The following LHFPL6 variants were observed in gnomAD, a reference collection of about 807,000 sequenced individuals.
LHFPL6 encodes the protein LHFPL tetraspan subfamily member 6.
LHFPL6 carries 9 observed loss-of-function variants against 20.6 expected under a neutral mutation model. That is an observed-to-expected ratio of 0.44 (90% CI 0.26 to 0.76). The LOEUF (loss-of-function observed/expected upper bound fraction) is 0.76, where lower values mean the gene tolerates loss of function less well. LHFPL6 is among the 30% of genes least tolerant of loss of function. The probability of loss-of-function intolerance (pLI) is 0.20; values close to 1 mark genes in which losing one functional copy is unlikely to be tolerated. For synonymous variants in LHFPL6, 105 were observed against 98.7 expected (o/e 1.06, Z -0.38); for missense variants, 218 against 253.5 (o/e 0.86, Z 0.95).
chr13:39,600,125 T>C (rs563620219), intron 2 of LHFPL6, among the ~76,000 whole-genome samples: 3 of 152,292 alleles, frequency 2.0e-5, no homozygotes, highest in Admixed American at 6.5e-5. Context: ...CAAGTAAAAA[T>C]CAAACCTTTT....
At chr13:39,560,678 C>T (rs1430763932) in intron 2 of LHFPL6, among the ~76,000 whole-genome samples, 5 of 151,996 alleles carry the variant, frequency 3.3e-5, no homozygotes, top group Non-Finnish European at 7.4e-5. Context: ...CCACGCCCGG[C>T]TAATTTCTTT....
rs190329596 is a variant in LHFPL6 at position 39,523,165 on chromosome 13, C to T, written c.385+77667G>A. On this transcript the variant is annotated intron_variant, in intron 2 of 3. Coordinates refer to ENST00000379589, the MANE Select transcript of LHFPL6 (RefSeq NM_005780.3). ...TTTACGACTGATACATGTAATGTGC[C>T]GGTTTATGCAGAAAGCATGTGGTCT... is the stretch of plus-strand genomic sequence containing the variant. Among the ~76,000 whole-genome samples, 6 of 152,206 alleles carry T rather than the reference C, an allele frequency of 3.9e-5. No individual in the cohort carries two copies. In the East Asian group the frequency reaches 7.7e-4, roughly 20 times the overall value.
intron 2 of LHFPL6, among the ~76,000 whole-genome samples, chr13:39,547,923 AG>A (rs1871029848): frequency 6.6e-6 from 1 of 152,110 alleles, no homozygotes; most frequent in Non-Finnish European, 1.5e-5. Context: ...GTTATACCTT[AG>A]ATGCAAACTT....
Position 39,600,860 on chromosome 13 carries a change from T to A in LHFPL6, c.357A>T (p.Arg119Ser). 1.3e-6 allele frequency: 2 copies of A among 1,495,892 alleles called. No homozygotes were observed. The highest frequency in any genetic ancestry group is 2.2e-5 in the Admixed American group (1 of 45,230). The allele number at this position is 1,495,892 out of a possible 1,614,324, so 92.7% of individuals were successfully genotyped here. A position where few individuals can be genotyped will look rare whatever the true frequency, so the allele number is the denominator to read the frequency against. Residue 119 changes from arginine (R) to serine (S), a missense_variant, in exon 2 of 4, where the codon AGA becomes AGT. Transcript: ENST00000379589. ...VSDLISRTVGRVAGGIQFLGG... is the reference protein window; with the variant it reads ...VSDLISRTVGSVAGGIQFLGG... ...CAAGAAACTGAATTCCTCCAGCCAC[T>A]CTTCCCACTGTCCTGGAGATGAGGT... is the stretch of plus-strand genomic sequence containing the variant.
intron 2 of LHFPL6, among the ~76,000 whole-genome samples, chr13:39,484,628 C>T (rs1382810404): frequency 6.6e-6 from 1 of 152,118 alleles, no homozygotes; most frequent in Non-Finnish European, 1.5e-5. Context: ...AATGAGAAAT[C>T]CCTCAGGAAG....
chr13:39,572,578 C>T (rs555377893), intron 2 of LHFPL6, among the ~76,000 whole-genome samples: 2 of 152,184 alleles, frequency 1.3e-5, no homozygotes, highest in Non-Finnish European at 2.9e-5. Flanking sequence ...ACACCACAGT[C>T]CAATTTTCTA....
chr13:39,522,387 C>A (rs1174844514), intron 2 of LHFPL6, among the ~76,000 whole-genome samples: 5 of 152,174 alleles, frequency 3.3e-5, no homozygotes, highest in African/African-American at 9.7e-5. Flanking sequence ...TGCTCCTAAC[C>A]AGTACACTGT....
At chr13:39,344,590 G>A (rs1295424638) in intron 3 of LHFPL6, among the ~76,000 whole-genome samples, 1 of 151,858 alleles carries the variant, frequency 6.6e-6, no homozygotes, top group African/African-American at 2.4e-5. Context: ...GATTCTTCTG[G>A]GATCAACACT....
chr13:39,435,902 A>G (rs1396218024), intron 2 of LHFPL6, among the ~76,000 whole-genome samples: 1 of 152,142 alleles, frequency 6.6e-6, no homozygotes, highest in Non-Finnish European at 1.5e-5. Flanking sequence ...TTTCTATTAA[A>G]CCAGTCACTA....
intron 2 of LHFPL6, among the ~76,000 whole-genome samples, chr13:39,488,313 G>C (rs1437097345): frequency 6.6e-6 from 1 of 152,158 alleles, no homozygotes; most frequent in African/African-American, 2.4e-5. Flanking sequence ...TTTTGTTATA[G>C]CAATCCAAAT....
At chr13:39,562,502 A>G (rs1341100210) in intron 2 of LHFPL6, among the ~76,000 whole-genome samples, 1 of 144,978 alleles carries the variant, frequency 6.9e-6, no homozygotes, top group Non-Finnish European at 1.5e-5. Context: ...ATATACATAT[A>G]TACATATATA....
chr13:39,491,924 T>C (rs370806046), intron 2 of LHFPL6, among the ~76,000 whole-genome samples: 2 of 152,186 alleles, frequency 1.3e-5, no homozygotes, highest in African/African-American at 4.8e-5. Context: ...CAAAATGACA[T>C]TAAAGATGTT....
chr13:39,542,390 AG>A (rs1212990233), intron 2 of LHFPL6, among the ~76,000 whole-genome samples: 5 of 152,238 alleles, frequency 3.3e-5, no homozygotes, highest in African/African-American at 4.8e-5. Flanking sequence ...TGTTTCAGGT[AG>A]CACAATGCCA....
chr13:39,476,428 T>C (rs1302943962), intron 2 of LHFPL6, among the ~76,000 whole-genome samples: 2 of 152,240 alleles, frequency 1.3e-5, no homozygotes, highest in Non-Finnish European at 2.9e-5. Context: ...ATTACACAGA[T>C]ACTATTTGAA....
At chr13:39,589,420 A>G (rs929772870) in intron 2 of LHFPL6, among the ~76,000 whole-genome samples, 4 of 152,072 alleles carry the variant, frequency 2.6e-5, no homozygotes, top group Non-Finnish European at 5.9e-5. Flanking sequence ...AGATAAAGAA[A>G]ATTTTTTAAA....
chr13:39,449,176 C>T (rs1181197859), intron 2 of LHFPL6, among the ~76,000 whole-genome samples: 1 of 152,214 alleles, frequency 6.6e-6, no homozygotes, highest in African/African-American at 2.4e-5. Flanking sequence ...TGTAAACTGA[C>T]CCTCTGTTCT....
At chr13:39,356,445 A>G (rs944263781) in intron 3 of LHFPL6, among the ~76,000 whole-genome samples, 5 of 152,208 alleles carry the variant, frequency 3.3e-5, no homozygotes, top group African/African-American at 1.2e-4. Context: ...TAATAATCTA[A>G]CATCATATCT....
chr13:39,378,630 C>T, intron 2 of LHFPL6, 104 bp from the exon 3 acceptor site: 3 of 763,290 alleles, frequency 3.9e-6, no homozygotes, highest in Admixed American at 2.3e-5. Context: ...ATAGCGTCTG[C>T]TTTTTAGACA....
chr13:39,432,160 G>C (rs1460734766), intron 2 of LHFPL6, among the ~76,000 whole-genome samples: 1 of 152,078 alleles, frequency 6.6e-6, no homozygotes, highest in Non-Finnish European at 1.5e-5. Context: ...CTTGATTTTG[G>C]ACTTCCCAGC....
Sources: gnomAD v4.1 joint callset for allele counts (sites outside exome capture counted in the v4.1 genomes callset) on GRCh38, gnomAD v4.1.1 for gene constraint, MANE v1.5 for transcripts, NCBI Gene and HGNC (gene_info 2026-07-23, HGNC 2026-07-21) for gene names.